The following NRG1 variants were observed in gnomAD, a reference collection of about 807,000 sequenced individuals.
The protein encoded by NRG1 is neuregulin 1.
NRG1 carries 18 observed loss-of-function variants against 63.8 expected under a neutral mutation model. The observed-to-expected ratio is 0.28, with a 90% CI of 0.19 to 0.42. NRG1 has a LOEUF of 0.42. Ranked by LOEUF, NRG1 falls within the 10% of genes least tolerant of loss-of-function variation. The pLI is 1.00. For missense variants in NRG1, 762 were observed against 814.7 expected (o/e 0.94, Z 0.79); for synonymous variants, 302 against 301.3 (o/e 1.00, Z -0.02).
chr8:32,544,589 A>T (rs1832889181), upstream of NRG1, among the ~76,000 whole-genome samples: 1 of 150,256 alleles, frequency 6.7e-6, no homozygotes, highest in Non-Finnish European at 1.5e-5. Context: ...TGCAGCCTCA[A>T]CCTCCCAGGG....
chr8:31,891,960 G>T (rs1366507832), intron 1 of NRG1, among the ~76,000 whole-genome samples: 2 of 152,016 alleles, frequency 1.3e-5, no homozygotes, highest in Non-Finnish European at 1.5e-5. Context: ...AAAATTAAAT[G>T]AAGAACAGAT....
chr8:31,671,077 G>A lies in NRG1; in HGVS notation c.37+31646G>A, dbSNP rs183188420. On this transcript the variant is annotated intron_variant, in intron 1 of 10. Transcript: ENST00000519301. ...GTGGTATTTGGTTTTCTGTTCCTGT[G>A]TTAATTCACCTAGGATTGTGGCCTC... Among the ~76,000 whole-genome samples the A allele has an allele frequency of 4.3e-3, 655 of 152,212 alleles. 8 individuals are homozygous for A. The highest frequency in any genetic ancestry group is 0.015 in the African/African-American group (629 of 41,544).
intron 1 of NRG1, among the ~76,000 whole-genome samples, chr8:32,178,878 C>T (rs1365208538): frequency 6.6e-6 from 1 of 151,596 alleles, no homozygotes; most frequent in Non-Finnish European, 1.5e-5. Flanking sequence ...TATAAGACTT[C>T]TTTCTGTCCT....
chr8:31,868,144 TCTTACA>T (rs71208148), intron 1 of NRG1, among the ~76,000 whole-genome samples: 3,478 of 111,024 alleles, frequency 0.031, 70 homozygotes, highest in East Asian at 0.094. Context: ...CACACATACA[TCTTACA>T]CACACACACA....
intron 1 of NRG1, among the ~76,000 whole-genome samples, chr8:31,756,368 A>G (rs1816964932): frequency 6.6e-6 from 1 of 152,092 alleles, no homozygotes; most frequent in Admixed American, 6.6e-5. Context: ...GCAAAGGAGG[A>G]AGGGGTACAG....
intron 1 of NRG1, among the ~76,000 whole-genome samples, chr8:32,217,253 G>A (rs1845342827): frequency 6.8e-6 from 1 of 146,260 alleles, no homozygotes; most frequent in Admixed American, 6.9e-5. Flanking sequence ...AATACTTGGT[G>A]CACTTATGAA....
At chr8:32,734,099 C>T (rs1824407440) in intron 6 of NRG1, among the ~76,000 whole-genome samples, 1 of 152,126 alleles carries the variant, frequency 6.6e-6, no homozygotes, top group African/African-American at 2.4e-5. Context: ...AGAGTGGCAC[C>T]ATAGACATAG....
intron 1 of NRG1, among the ~76,000 whole-genome samples, chr8:32,438,020 A>T (rs1819005555): frequency 6.6e-6 from 1 of 152,154 alleles, no homozygotes; most frequent in South Asian, 2.1e-4. Context: ...AGCTATAAGA[A>T]ATAATGCAAA....
At chr8:32,771,716 A>AAAAAAAAAAATATATC (rs397790114), downstream of NRG1, among the ~76,000 whole-genome samples, 2 of 66,776 alleles carry the variant, frequency 3.0e-5, no homozygotes, top group African/African-American at 6.2e-5. Context: ...TAAAAAAAAA[A>AAAAAAAAAAATATATC]TATATATATA....
intron 5 of NRG1, among the ~76,000 whole-genome samples, chr8:32,665,626 T>A (rs1718934612): frequency 6.6e-6 from 1 of 152,190 alleles, no homozygotes; most frequent in African/African-American, 2.4e-5. Flanking sequence ...ATCAGTGTAT[T>A]GGTGCTTATT....
intron 1 of NRG1, among the ~76,000 whole-genome samples, chr8:32,091,897 T>C (rs1434207808): frequency 6.6e-6 from 1 of 152,084 alleles, no homozygotes; most frequent in East Asian, 1.9e-4. Flanking sequence ...GGGGAGACTT[T>C]TGGGGGACTA....
chr8:32,259,824 T>C (rs1220776390), intron 1 of NRG1, among the ~76,000 whole-genome samples: 1 of 152,216 alleles, frequency 6.6e-6, no homozygotes, highest in East Asian at 1.9e-4. Context: ...AAATTACTTA[T>C]GTGGACTTTT....
intron 1 of NRG1, among the ~76,000 whole-genome samples, chr8:31,857,220 G>A (rs188912878): frequency 0.01 from 1,534 of 152,196 alleles, 34 homozygotes; most frequent in African/African-American, 0.034. Flanking sequence ...GCCTGCTGCC[G>A]CCTTGCAGTT....
At chr8:32,031,173 A>G (rs973862734) in intron 1 of NRG1, among the ~76,000 whole-genome samples, 30 of 152,160 alleles carry the variant, frequency 2.0e-4, no homozygotes, top group African/African-American at 7.0e-4. Flanking sequence ...TCACATTGTC[A>G]TAAGCTTTCT....
At chr8:32,210,512 C>T (rs892436011) in intron 1 of NRG1, among the ~76,000 whole-genome samples, 9 of 152,182 alleles carry the variant, frequency 5.9e-5, no homozygotes, top group East Asian at 5.8e-4. Flanking sequence ...GCTTTTGTAA[C>T]GTGTGACCTT....
intron 1 of NRG1, among the ~76,000 whole-genome samples, chr8:32,376,179 A>G (rs1809598872): frequency 6.6e-6 from 1 of 152,218 alleles, no homozygotes; most frequent in Non-Finnish European, 1.5e-5. Context: ...CCAAGCTAAA[A>G]GGTAAATATA....
At chr8:32,479,331 G>A (rs1170495369) in intron 1 of NRG1, among the ~76,000 whole-genome samples, 2 of 151,954 alleles carry the variant, frequency 1.3e-5, no homozygotes, top group African/African-American at 2.4e-5. Context: ...AAAAAAATTA[G>A]TCAAGCTTGG....
intron 1 of NRG1, among the ~76,000 whole-genome samples, chr8:31,866,598 A>G (rs1315883500): frequency 6.6e-6 from 1 of 152,132 alleles, no homozygotes; most frequent in East Asian, 1.9e-4. Flanking sequence ...CTCCTATAAT[A>G]TGCTACAAAT....
intron 5 of NRG1, among the ~76,000 whole-genome samples, chr8:32,690,905 A>G (rs1329387748): frequency 6.6e-6 from 1 of 151,312 alleles, no homozygotes; most frequent in Non-Finnish European, 1.5e-5. Flanking sequence ...TATTAGTTAC[A>G]TGGAAACTTG....
Sources: gnomAD v4.1 joint callset for allele counts (sites outside exome capture counted in the v4.1 genomes callset) on GRCh38, gnomAD v4.1.1 for gene constraint, MANE v1.5 for transcripts, NCBI Gene and HGNC (gene_info 2026-07-23, HGNC 2026-07-21) for gene names.